The following SLC4A7 variants were observed in gnomAD, a reference collection of about 807,000 sequenced individuals.
The protein encoded by SLC4A7 is sodium bicarbonate cotransporter 3.
Under a neutral mutation model 137.6 loss-of-function variants are expected in SLC4A7, and 51 were observed. That is an observed-to-expected ratio of 0.37 (90% CI 0.30 to 0.47). The LOEUF (loss-of-function observed/expected upper bound fraction) is 0.47, where lower values mean the gene tolerates loss of function less well. SLC4A7 is among the 20% of genes least tolerant of loss of function. The probability of loss-of-function intolerance (pLI) is 1.00; values close to 1 mark genes in which losing one functional copy is unlikely to be tolerated. For synonymous variants in SLC4A7, 542 were observed against 518.6 expected, an observed-to-expected ratio of 1.05 and a Z score of -0.61; for missense variants, 1,247 against 1,525.4, an observed-to-expected ratio of 0.82 and a Z score of 3.04.
chr3:27,421,743 C>G lies in SLC4A7; in HGVS notation c.1303G>C (p.Ala435Pro), dbSNP rs1212015802. 1 of 1,613,312 alleles carries G rather than the reference C, an allele frequency of 6.2e-7. No individual in the cohort carries two copies. The highest frequency in any genetic ancestry group is 1.1e-5 in the South Asian group (1 of 91,016). The change falls in exon 9 of 26, where the codon GCT becomes CCT. Residue 435 changes from alanine (A) to proline (P), a missense_variant. Physicochemically the swap from Ala to Pro is conservative, Grantham distance 27. Transcript: ENST00000454389. Reference sequence around the variant, plus strand: ...CCCACCAGGACGTTGGATGCCTCAGCACCCGTAGGAATTTTTCTCATGAAA... The same window carrying G: ...CCCACCAGGACGTTGGATGCCTCAGGACCCGTAGGAATTTTTCTCATGAAA... Reference protein sequence around the residue: ...MNFMRKIPTGAEASNVLVGEV... With the variant: ...MNFMRKIPTGPEASNVLVGEV...
At chr3:27,440,749 T>C (rs961204080) in intron 3 of SLC4A7, among the ~76,000 whole-genome samples, 12 of 139,442 alleles carry the variant, frequency 8.6e-5, no homozygotes, top group South Asian at 2.3e-4. Context: ...CAAAAATAAA[T>C]AAATAAAAAA....
chr3:27,429,841 C>G (rs897477812), intron 7 of SLC4A7, among the ~76,000 whole-genome samples: 1 of 151,352 alleles, frequency 6.6e-6, no homozygotes, highest in African/African-American at 2.4e-5. Flanking sequence ...AGAGTAAGAA[C>G]CTGTCTCTCC....
At position 27,376,684 on chromosome 3, in the gene SLC4A7, A is replaced by C; in HGVS notation, c.*80T>G. The C allele has an allele frequency of 5.7e-6, 5 of 871,392 alleles. No individual in the cohort carries two copies. The highest frequency in any genetic ancestry group is 9.2e-6 in the Non-Finnish European group (5 of 544,498). 54.0% of individuals were successfully genotyped at this position (871,392 alleles called of 1,614,324 possible). A position where few individuals can be genotyped will look rare whatever the true frequency, so the allele number is the denominator to read the frequency against. ...GTCACACATAAACAGCATGACATAC[A>C]ATATTCTTATATATAGTGACATGAT... is the stretch of plus-strand genomic sequence containing the variant. On this transcript the variant is annotated 3_prime_UTR_variant, in exon 26 of 26. Coordinates refer to ENST00000454389, the MANE Select transcript of SLC4A7 (RefSeq NM_001321103.2).
At chr3:27,467,715 TAAC>T (rs1283224228) in intron 1 of SLC4A7, among the ~76,000 whole-genome samples, 1 of 152,188 alleles carries the variant, frequency 6.6e-6, no homozygotes, top group African/African-American at 2.4e-5. Context: ...TTTCAGTATT[TAAC>T]ACCACTAAAA....
At chr3:27,436,651 GA>G in intron 4 of SLC4A7, 103 bp from the exon 5 acceptor site, 2 of 718,322 alleles carry the variant, frequency 2.8e-6, no homozygotes, top group Non-Finnish European at 4.1e-6. Flanking sequence ...AAAAAAAAAA[GA>G]AATAAAGAAA....
At chr3:27,470,497 C>A (rs914817595) in intron 1 of SLC4A7, among the ~76,000 whole-genome samples, 20 of 151,540 alleles carry the variant, frequency 1.3e-4, no homozygotes, top group African/African-American at 4.8e-4. Context: ...ATGACTGATA[C>A]ATATATTGAA....
intron 7 of SLC4A7, among the ~76,000 whole-genome samples, chr3:27,429,535 T>G (rs1231023509): frequency 1.3e-5 from 2 of 152,122 alleles, no homozygotes; most frequent in Admixed American, 1.3e-4. Context: ...AAAAGAACAC[T>G]TGATCCTATC....
At chr3:27,461,095 A>G (rs976158809) in intron 1 of SLC4A7, among the ~76,000 whole-genome samples, 3 of 152,200 alleles carry the variant, frequency 2.0e-5, no homozygotes, top group African/African-American at 7.2e-5. Flanking sequence ...CTATAGGAAA[A>G]TCCATCAATT....
At chr3:27,457,031 T>A in intron 1 of SLC4A7, 3 of 581,588 alleles carry the variant, frequency 5.2e-6, no homozygotes, top group Non-Finnish European at 6.5e-6. Flanking sequence ...GATGGATGTG[T>A]GAGAGTATGG....
intron 9 of SLC4A7, 63 bp downstream of exon 9, chr3:27,421,558 CT>C: frequency 8.0e-7 from 1 of 1,255,302 alleles, no homozygotes; most frequent in African/African-American, 1.5e-5. Context: ...TGTTCATTCG[CT>C]GGATTAAAAA....
rs530148648 is a variant in SLC4A7 at position 27,426,009 on chromosome 3, T to C, written c.1151-1857A>G. Among the ~76,000 whole-genome samples the C allele has an allele frequency of 3.3e-5, 5 of 152,278 alleles. No individual in the cohort carries two copies. The South Asian group carries it at 1.0e-3, about 32-fold the overall frequency. On this transcript the variant is annotated intron_variant, in intron 7 of 25. Coordinates refer to ENST00000454389, the MANE Select transcript of SLC4A7 (RefSeq NM_001321103.2). ...TGTACTGGTAATCAAGTTCCAGAAT[T>C]TAAAGTACATCAGATATACCTGACA...
intron 1 of SLC4A7, among the ~76,000 whole-genome samples, chr3:27,454,944 C>T (rs944961069): frequency 2.6e-5 from 4 of 151,808 alleles, no homozygotes; most frequent in Non-Finnish European, 5.9e-5. Flanking sequence ...TTAAAATACA[C>T]ATACCCTTTG....
At chr3:27,420,383 G>C (rs2054842447) in intron 10 of SLC4A7, among the ~76,000 whole-genome samples, 1 of 151,870 alleles carries the variant, frequency 6.6e-6, no homozygotes, top group South Asian at 2.1e-4. Flanking sequence ...AAAATGTTCT[G>C]AGGAAAACCT....
At position 27,398,280 on chromosome 3, in the gene SLC4A7, A is replaced by G; in HGVS notation, c.2501T>C (p.Leu834Pro). The G allele has an allele frequency of 1.2e-6, 2 of 1,613,312 alleles. No individual in the cohort carries two copies. The highest frequency in any genetic ancestry group is 1.7e-6 in the Non-Finnish European group (2 of 1,179,328). Residue 834 changes from leucine to proline, a missense_variant, in exon 17 of 26, where the codon CTC becomes CCC. Leu to Pro is a moderately conservative substitution (Grantham distance 98, BLOSUM62 -3). Coordinates refer to ENST00000454389, the MANE Select transcript of SLC4A7 (RefSeq NM_001321103.2). ...GAAAAACAAGATGACACACCAAAAG[A>G]GCACATCTGGAATATAAGGTCCATG... ...GHHGPYIPDV[L>P]FWCVILFFTT...
rs1434221222 is a variant in SLC4A7 at position 27,376,588 on chromosome 3, G to A, written c.*176C>T. On this transcript the variant is annotated 3_prime_UTR_variant, in exon 26 of 26. Coordinates refer to ENST00000454389, the MANE Select transcript of SLC4A7 (RefSeq NM_001321103.2). ...AACCATGTACCTCACTTCAAAGAGA[G>A]CATTTCATTAAATACATAGTCTCCA... The A allele has an allele frequency of 2.5e-6, 1 of 397,396 alleles. No individual in the cohort carries two copies. Among genetic ancestry groups the A allele is most frequent in the African/African-American group, 2.1e-5 (1 of 47,866 alleles). 24.6% of individuals were successfully genotyped at this position (397,396 alleles called of 1,614,324 possible). A position where few individuals can be genotyped will look rare whatever the true frequency, so the allele number is the denominator to read the frequency against.
intron 6 of SLC4A7, chr3:27,433,335 A>G (rs2056473803): frequency 6.6e-6 from 1 of 152,668 alleles, no homozygotes; most frequent in African/African-American, 2.4e-5. Context: ...CTTTACACAG[A>G]AGAATAAAGA....
intron 1 of SLC4A7, among the ~76,000 whole-genome samples, chr3:27,467,929 T>C (rs968110451): frequency 1.3e-5 from 2 of 152,244 alleles, no homozygotes; most frequent in Admixed American, 1.3e-4. Context: ...CAAAGTACTA[T>C]TAAATATTTC....
chr3:27,402,018 G>A (rs929963007), intron 15 of SLC4A7, among the ~76,000 whole-genome samples: 6 of 152,166 alleles, frequency 3.9e-5, no homozygotes, highest in Non-Finnish European at 8.8e-5. Context: ...AAAGTTGAGA[G>A]TGTGCAAGGA....
chr3:27,458,474 A>T (rs2058525876), intron 1 of SLC4A7, among the ~76,000 whole-genome samples: 1 of 152,202 alleles, frequency 6.6e-6, no homozygotes, highest in South Asian at 2.1e-4. Flanking sequence ...TAAGGCTTCT[A>T]AACTTCTCCA....
Sources: allele counts gnomAD v4.1 joint callset (sites outside exome capture counted in the v4.1 genomes callset), GRCh38; gene constraint gnomAD v4.1.1; transcripts MANE v1.5; gene names NCBI Gene and HGNC (gene_info 2026-07-23, HGNC 2026-07-21).